Variants in TMEFF1 observed in about 807,000 individuals in gnomAD.
TMEFF1 encodes tomoregulin-1.
TMEFF1 carries 20 observed loss-of-function variants against 47.5 expected under a neutral mutation model. The observed-to-expected ratio is 0.42, with a 90% CI of 0.30 to 0.61. The LOEUF is 0.61. TMEFF1 is among the 20% of genes least tolerant of loss of function. The pLI, the probability that TMEFF1 is intolerant of heterozygous loss-of-function variation, is 0.19. For synonymous variants in TMEFF1, 162 were observed against 166.3 expected (o/e 0.97, Z 0.20); for missense variants, 411 against 471.1 (o/e 0.87, Z 1.18).
intron 1 of TMEFF1, among the ~76,000 whole-genome samples, chr9:100,497,505 G>GT (rs1419981048): frequency 6.6e-6 from 1 of 152,020 alleles, no homozygotes; most frequent in Non-Finnish European, 1.5e-5. Context: ...GACTACTCAA[G>GT]TAGGTACTGT....
chr9:100,558,395 A>G (rs1168119691), intron 7 of TMEFF1, among the ~76,000 whole-genome samples: 4 of 151,942 alleles, frequency 2.6e-5, no homozygotes, highest in Non-Finnish European at 4.4e-5. Flanking sequence ...ACTTTCCTCA[A>G]TTCACTTATG....
intron 7 of TMEFF1, among the ~76,000 whole-genome samples, chr9:100,557,830 C>CT (rs199955451): frequency 0.057 from 7,504 of 132,366 alleles, 357 homozygotes; most frequent in South Asian, 0.24. Flanking sequence ...ACCATGCATG[C>CT]TTTTTTTTTT....
intron 6 of TMEFF1, 47 bp downstream of exon 6, chr9:100,547,939 A>G: frequency 7.0e-7 from 1 of 1,434,048 alleles, no homozygotes; most frequent in Non-Finnish European, 9.2e-7. Context: ...ATTATTGTAT[A>G]AATGTAATCT....
At chr9:100,536,907 A>G (rs927154716) in intron 5 of TMEFF1, among the ~76,000 whole-genome samples, 2 of 152,218 alleles carry the variant, frequency 1.3e-5, no homozygotes, top group African/African-American at 4.8e-5. Context: ...TTCTTAGAAT[A>G]TGACATATGG....
At chr9:100,548,355 G>A (rs921850587) in intron 6 of TMEFF1, among the ~76,000 whole-genome samples, 20 of 152,146 alleles carry the variant, frequency 1.3e-4, no homozygotes, top group African/African-American at 4.3e-4. Flanking sequence ...ACAGATTTTG[G>A]TGTGAAGTTA....
At chr9:100,576,448 C>T (rs753628157) in intron 9 of TMEFF1, 68 bp from the exon 10 acceptor site, 54 of 1,570,698 alleles carry the variant, frequency 3.4e-5, no homozygotes, top group Non-Finnish European at 4.1e-5. Context: ...ACTTTGGAAA[C>T]ATTTGAAATA....
At chr9:100,538,005 G>A (rs1292659295) in intron 5 of TMEFF1, among the ~76,000 whole-genome samples, 2 of 151,822 alleles carry the variant, frequency 1.3e-5, no homozygotes, top group Admixed American at 6.6e-5. Flanking sequence ...ACATTTGATT[G>A]AATGCGCAAA....
At position 100,473,878 on chromosome 9, in the gene TMEFF1, A is replaced by T; in HGVS notation, c.196+138A>T. The T allele has an allele frequency of 9.1e-7, 1 of 1,102,240 alleles. No homozygotes were observed. Among genetic ancestry groups the T allele is most frequent in the East Asian group, 3.2e-5 (1 of 31,480 alleles). 68.3% of individuals were successfully genotyped at this position (1,102,240 alleles called of 1,614,324 possible). On this transcript the variant is annotated intron_variant, in intron 1 of 9. Coordinates refer to ENST00000374879, the MANE Select transcript of TMEFF1 (RefSeq NM_003692.5). The surrounding 1 kb of genome is among the most constrained non-coding windows in gnomAD (Gnocchi z 5.4). ...TGGGCCCGAGGGTGAGCGAGGGCGG[A>T]GGGCAGGGCGCGAGCGTGCGGTGTG...
At chr9:100,532,923 T>A (rs1311226228) in intron 5 of TMEFF1, among the ~76,000 whole-genome samples, 1 of 151,870 alleles carries the variant, frequency 6.6e-6, no homozygotes, top group Non-Finnish European at 1.5e-5. Context: ...AAATGATGAG[T>A]TCATGTCCTT....
At chr9:100,529,309 G>C (rs1438368630) in intron 5 of TMEFF1, among the ~76,000 whole-genome samples, 2 of 151,622 alleles carry the variant, frequency 1.3e-5, no homozygotes, top group East Asian at 3.9e-4. Context: ...ATTGGATAAA[G>C]AGTCAAGACT....
chr9:100,478,423 T>C (rs913467739), intron 1 of TMEFF1, among the ~76,000 whole-genome samples: 1 of 152,134 alleles, frequency 6.6e-6, no homozygotes, highest in Non-Finnish European at 1.5e-5. Context: ...TGGGCTCAGG[T>C]GATTCTCAGC....
intron 7 of TMEFF1, among the ~76,000 whole-genome samples, chr9:100,550,913 C>G (rs1241010653): frequency 6.6e-6 from 1 of 152,240 alleles, no homozygotes; most frequent in Non-Finnish European, 1.5e-5. Flanking sequence ...GATTCCAGGT[C>G]CCTTGACTTC....
At chr9:100,485,199 C>A (rs1200901367) in intron 1 of TMEFF1, among the ~76,000 whole-genome samples, 1 of 152,146 alleles carries the variant, frequency 6.6e-6, no homozygotes, top group Non-Finnish European at 1.5e-5. Context: ...AGTATCCATT[C>A]ATCTGTTGAT....
chr9:100,507,559 A>G (rs1361041426), intron 2 of TMEFF1, among the ~76,000 whole-genome samples: 2 of 151,880 alleles, frequency 1.3e-5, no homozygotes, highest in Non-Finnish European at 1.5e-5. Flanking sequence ...CTCTTGTGAG[A>G]TGGTGTTTTC....
chr9:100,525,829 A>T (rs1379089972), intron 5 of TMEFF1, among the ~76,000 whole-genome samples: 1 of 152,200 alleles, frequency 6.6e-6, no homozygotes, highest in African/African-American at 2.4e-5. Flanking sequence ...ATGTCAAGGG[A>T]ACTCTATACC....
intron 5 of TMEFF1, among the ~76,000 whole-genome samples, chr9:100,527,166 A>C (rs1170831328): frequency 6.6e-6 from 1 of 151,608 alleles, no homozygotes; most frequent in East Asian, 1.9e-4. Flanking sequence ...AAAACTACCT[A>C]CTTTGAAAGA....
At chr9:100,489,643 T>TTGG (rs1419491644) in intron 1 of TMEFF1, among the ~76,000 whole-genome samples, 11 of 152,180 alleles carry the variant, frequency 7.2e-5, no homozygotes, top group Non-Finnish European at 1.5e-4. Context: ...GGTTCCTATT[T>TTGG]TGGTGGGTAT....
In TMEFF1 at chr9:100,474,321, CTGTG is replaced by C. The variant is rs533050448; in HGVS notation, c.196+588_196+591del. Among the ~76,000 whole-genome samples the C allele has an allele frequency of 2.3e-3, 350 of 151,494 alleles. 2 individuals carry two copies. Among genetic ancestry groups the C allele is most frequent in the African/African-American group, 8.1e-3 (333 of 41,328 alleles). ...GACGCGGTTTGGCGATGCAGAGTGA[CTGTG>C]TGTGTGCGCGCGCGCGCGCGTGTGT... is the stretch of plus-strand genomic sequence containing the variant. On this transcript the variant is annotated intron_variant, in intron 1 of 9. Transcript: ENST00000374879.
chr9:100,516,905 T>C, intron 5 of TMEFF1, 134 bp downstream of exon 5: 2 of 1,008,408 alleles, frequency 2.0e-6, no homozygotes, highest in Non-Finnish European at 1.4e-6. Context: ...TTAATGCTAG[T>C]CTATTGACTT....
Sources: allele counts gnomAD v4.1 joint callset (sites outside exome capture counted in the v4.1 genomes callset), GRCh38; gene constraint gnomAD v4.1.1; non-coding constraint Gnocchi (gnomAD v3.1); transcripts MANE v1.5; gene names NCBI Gene and HGNC (gene_info 2026-07-23, HGNC 2026-07-21).